The following NTRK3 variants were observed in gnomAD, a reference collection of about 807,000 sequenced individuals.
NTRK3 encodes the protein NT-3 growth factor receptor.
Under a neutral mutation model 91.7 loss-of-function variants are expected in NTRK3, and 24 were observed. That is an observed-to-expected ratio of 0.26 (90% CI 0.19 to 0.37). The LOEUF (loss-of-function observed/expected upper bound fraction) is 0.37, where lower values mean the gene tolerates loss of function less well. NTRK3 is among the 10% of genes least tolerant of loss of function. The pLI, the probability that NTRK3 is intolerant of heterozygous loss-of-function variation, is 1.00. For synonymous variants in NTRK3, 483 were observed against 404.0 expected (o/e 1.20, Z -2.34); for missense variants, 880 against 1,068.9 (o/e 0.82, Z 2.46).
intron 13 of NTRK3, among the ~76,000 whole-genome samples, chr15:88,046,163 C>G (rs916655170): frequency 6.6e-6 from 1 of 152,200 alleles, no homozygotes; most frequent in African/African-American, 2.4e-5. Flanking sequence ...TCTGGGTGAA[C>G]TGGGAGTTCA....
intron 6 of NTRK3, chr15:88,143,902 A>G (rs1046982541): frequency 2.0e-5 from 3 of 152,192 alleles, no homozygotes; most frequent in African/African-American, 7.2e-5. Context: ...ACTCCAATCT[A>G]TTTTAATCAT....
At chr15:87,969,702 C>A (rs2073102050) in intron 14 of NTRK3, among the ~76,000 whole-genome samples, 1 of 152,184 alleles carries the variant, frequency 6.6e-6, no homozygotes, top group East Asian at 1.9e-4. Flanking sequence ...CCTCCCTAGC[C>A]AGCCCAGGCA....
chr15:88,053,745 G>A (rs1001048218), intron 13 of NTRK3, among the ~76,000 whole-genome samples: 5 of 152,224 alleles, frequency 3.3e-5, no homozygotes, highest in African/African-American at 1.2e-4. Context: ...TTAGCACAGT[G>A]CCTGGCACAT....
intron 14 of NTRK3, among the ~76,000 whole-genome samples, chr15:87,966,847 C>G (rs1187711467): frequency 6.6e-6 from 1 of 152,190 alleles, no homozygotes; most frequent in East Asian, 1.9e-4. Flanking sequence ...TTACCCAAGA[C>G]TAGTGAATAC....
chr15:88,159,804 C>A (rs990672106), intron 5 of NTRK3, among the ~76,000 whole-genome samples: 1 of 152,066 alleles, frequency 6.6e-6, no homozygotes, highest in Non-Finnish European at 1.5e-5. Flanking sequence ...GGACGTGCCC[C>A]TGGCTGGTCC....
At chr15:88,145,497 G>A (rs2042806467) in intron 6 of NTRK3, among the ~76,000 whole-genome samples, 1 of 152,088 alleles carries the variant, frequency 6.6e-6, no homozygotes, top group Non-Finnish European at 1.5e-5. Context: ...CTGGTGTATT[G>A]ATCCCAGGCA....
At chr15:88,114,152 G>A (rs1440248132) in intron 13 of NTRK3, among the ~76,000 whole-genome samples, 1 of 152,122 alleles carries the variant, frequency 6.6e-6, no homozygotes, top group Non-Finnish European at 1.5e-5. Flanking sequence ...CCACAAAGGG[G>A]CAGATGGATC....
chr15:88,207,720 T>C lies in NTRK3; in HGVS notation c.249-23421A>G, dbSNP rs559215293. On this transcript the variant is annotated intron_variant, in intron 3 of 18. Coordinates refer to ENST00000394480, the Ensembl canonical transcript of NTRK3. ...CCCAGATAAGGCTATTTTCCCCAGA[T>C]AAGCCAAGGCCCCTCCTGGCTTCCC... Among the ~76,000 whole-genome samples the C allele has an allele frequency of 6.9e-5, 9 of 129,910 alleles. No homozygotes were observed. In the East Asian group the frequency reaches 2.6e-3, roughly 37 times the overall value. The allele number at this position is 129,910 out of a possible 152,430, so 85.2% of individuals were successfully genotyped here. A position where few individuals can be genotyped will look rare whatever the true frequency, so the allele number is the denominator to read the frequency against.
chr15:88,012,515 G>A (rs1031653793), intron 14 of NTRK3, among the ~76,000 whole-genome samples: 2 of 152,248 alleles, frequency 1.3e-5, no homozygotes, highest in East Asian at 1.9e-4. Context: ...ATGAGGCTGA[G>A]AACCTCTTGT....
At position 87,924,938 on chromosome 15, in the gene NTRK3, T is replaced by C. The variant is rs369733544; in HGVS notation, c.2133+4253A>G. 3.0e-4 allele frequency among the ~76,000 whole-genome samples: 45 copies of C among 152,226 alleles called. No homozygotes were observed. The South Asian group carries it at 8.7e-3, about 30-fold the overall frequency. On this transcript the variant is annotated intron_variant, in intron 17 of 18. Coordinates refer to ENST00000394480, the Ensembl canonical transcript of NTRK3. ...TCCTCCCTGATCTCAGTGTATTGACTCCTCTCCCCAAATCAAAACATCTGA... is the reference window on the plus strand; with the variant it reads ...TCCTCCCTGATCTCAGTGTATTGACCCCTCTCCCCAAATCAAAACATCTGA...
intron 5 of NTRK3, among the ~76,000 whole-genome samples, chr15:88,182,314 AAAC>A (rs982743733): frequency 2.8e-4 from 42 of 152,062 alleles, no homozygotes; most frequent in African/African-American, 9.6e-4. Context: ...AAAAAAGAAA[AAAC>A]AACTCCTCCA....
intron 17 of NTRK3, among the ~76,000 whole-genome samples, chr15:87,911,323 A>G (rs1266043934): frequency 6.6e-6 from 1 of 152,206 alleles, no homozygotes; most frequent in Admixed American, 6.5e-5. Flanking sequence ...TTGCTCTACC[A>G]CTTTGCACTT....
chr15:87,971,161 C>T (rs967432886), intron 14 of NTRK3, among the ~76,000 whole-genome samples: 1 of 152,188 alleles, frequency 6.6e-6, no homozygotes, highest in African/African-American at 2.4e-5. Flanking sequence ...AGGACATTCT[C>T]AGAATATGTT....
intron 5 of NTRK3, among the ~76,000 whole-genome samples, chr15:88,155,911 CA>C (rs2043851075): frequency 6.6e-6 from 1 of 152,150 alleles, no homozygotes; most frequent in Non-Finnish European, 1.5e-5. Context: ...GCTTCACTCT[CA>C]GAGCTCATCT....
At chr15:88,178,838 G>A (rs375572704) in intron 5 of NTRK3, among the ~76,000 whole-genome samples, 2 of 152,176 alleles carry the variant, frequency 1.3e-5, no homozygotes, top group Non-Finnish European at 1.5e-5. Flanking sequence ...AGGATGGAGC[G>A]TGCTGAATCC....
chr15:88,032,552 GAGA>G (rs942933755), intron 14 of NTRK3, among the ~76,000 whole-genome samples: 25 of 152,228 alleles, frequency 1.6e-4, no homozygotes, highest in African/African-American at 4.6e-4. Context: ...CAGGTCTAGA[GAGA>G]AGAACAGCCT....
Position 87,868,919 on chromosome 15 carries a change from C to A in NTRK3, c.*8016G>T, listed in dbSNP as rs141124495. 1.9e-4 allele frequency: 43 copies of A among 225,806 alleles called. No individual in the cohort carries two copies. The East Asian group carries it at 2.7e-3, about 14-fold the overall frequency. The allele number at this position is 225,806 out of a possible 1,614,324, so 14.0% of individuals were successfully genotyped here. A position where few individuals can be genotyped will look rare whatever the true frequency, so the allele number is the denominator to read the frequency against. On this transcript the variant is annotated 3_prime_UTR_variant, in exon 19 of 19. Transcript: ENST00000394480. ...CCTTGTCCTTCAGAATCCGTCTGTC[C>A]GGCCTAGACGCAGTCATGACCTTGT...
At chr15:88,192,400 T>C (rs1266228730) in intron 3 of NTRK3, among the ~76,000 whole-genome samples, 1 of 152,164 alleles carries the variant, frequency 6.6e-6, no homozygotes, top group Non-Finnish European at 1.5e-5. Flanking sequence ...TGCTGCTGCC[T>C]GGGCTGGCAC....
intron 17 of NTRK3, among the ~76,000 whole-genome samples, chr15:87,894,445 G>A (rs1294143512): frequency 6.6e-6 from 1 of 152,226 alleles, no homozygotes; most frequent in Non-Finnish European, 1.5e-5. Context: ...GACAATGCAT[G>A]TGCATCGTGT....
Sources: gnomAD v4.1 joint callset for allele counts (sites outside exome capture counted in the v4.1 genomes callset) on GRCh38, gnomAD v4.1.1 for gene constraint, MANE v1.5 for transcripts, NCBI Gene and HGNC (gene_info 2026-07-23, HGNC 2026-07-21) for gene names.